Variants in CFAP54 observed in about 807,000 individuals in gnomAD.
CFAP54 encodes the protein cilia and flagella associated protein 54, also known as cilia- and flagella-associated protein 54.
In CFAP54, 290 loss-of-function variants were observed where a neutral mutation model predicts 370.4. The observed-to-expected ratio is 0.78, with a 90% CI of 0.71 to 0.86. The LOEUF is 0.86. Ranked by LOEUF, CFAP54 falls within the 40% of genes least tolerant of loss-of-function variation. CFAP54 has a pLI of 0.00. For synonymous variants in CFAP54, 1,206 were observed against 1,236.5 expected (o/e 0.98, Z 0.52); for missense variants, 3,399 against 3,528.7 (o/e 0.96, Z 0.93).
chr12:96,543,843 T>C (rs1213252798), intron 14 of CFAP54, among the ~76,000 whole-genome samples: 2 of 152,154 alleles, frequency 1.3e-5, no homozygotes, highest in Non-Finnish European at 2.9e-5. Flanking sequence ...TGGTGGGCCC[T>C]GGATCCCAAT....
At position 96,676,087 on chromosome 12, in the gene CFAP54, T is replaced by TA. The variant is rs1255895894; in HGVS notation, c.5564-3506dup. Among the ~76,000 whole-genome samples the TA allele has an allele frequency of 1.4e-4, 21 of 151,584 alleles. 1 individual carries two copies. Among genetic ancestry groups the TA allele is most frequent in the African/African-American group, 3.1e-4 (13 of 41,294 alleles). ...GTGTACCCTAAAACTTAAAGTATAA[T>TA]AAAAAAAGATACATGACCAGTAGTC... On this transcript the variant is annotated intron_variant, in intron 39 of 67. Coordinates refer to ENST00000524981, the MANE Select transcript of CFAP54 (RefSeq NM_001306084.2).
At chr12:96,732,630 G>A (rs1957934154) in intron 50 of CFAP54, among the ~76,000 whole-genome samples, 1 of 152,082 alleles carries the variant, frequency 6.6e-6, no homozygotes. Flanking sequence ...TCTAATGTTG[G>A]CAAATGTCGA....
chr12:96,642,921 T>A (rs1956748583), intron 32 of CFAP54, among the ~76,000 whole-genome samples: 1 of 152,076 alleles, frequency 6.6e-6, no homozygotes, highest in African/African-American at 2.4e-5. Flanking sequence ...GGATGTGAAT[T>A]CCCTTCTGAG....
intron 64 of CFAP54, among the ~76,000 whole-genome samples, chr12:96,815,029 C>A (rs1958961773): frequency 6.6e-6 from 1 of 152,204 alleles, no homozygotes; most frequent in Middle Eastern, 3.4e-3. Flanking sequence ...GTGCATATTT[C>A]TTTATAGTAG....
chr12:96,671,928 A>AAG (rs376205736), intron 39 of CFAP54, among the ~76,000 whole-genome samples: 388 of 150,082 alleles, frequency 2.6e-3, no homozygotes, highest in East Asian at 5.1e-3. Flanking sequence ...TATCTCAAAA[A>AAG]AGAGAGAGAG....
chr12:96,688,904 A>C lies in CFAP54; in HGVS notation c.6015-12A>C. On this transcript the variant is annotated splice_polypyrimidine_tract_variant and intron_variant, in intron 42 of 67. Transcript: ENST00000524981. ...TTCTACTAATCAATTTTTTTTTCTT[A>C]TACTTACTTAGATTTATTAAGTCAT... is the stretch of plus-strand genomic sequence containing the variant. The C allele has an allele frequency of 1.3e-6, 2 of 1,517,934 alleles. No homozygotes were observed. The highest frequency in any genetic ancestry group is 1.8e-6 in the Non-Finnish European group (2 of 1,120,076). 94.0% of individuals were successfully genotyped at this position (1,517,934 alleles called of 1,614,324 possible).
Position 96,527,453 on chromosome 12 carries a change from G to A in CFAP54, c.1357+9G>A, listed in dbSNP as rs1313774730. 1.3e-6 allele frequency: 2 copies of A among 1,491,830 alleles called. No homozygotes were observed. The highest frequency in any genetic ancestry group is 2.8e-5 in the African/African-American group (2 of 71,596). The allele number at this position is 1,491,830 out of a possible 1,614,324, so 92.4% of individuals were successfully genotyped here. A position where few individuals can be genotyped will look rare whatever the true frequency, so the allele number is the denominator to read the frequency against. On this transcript the variant is annotated intron_variant, in intron 9 of 67. Coordinates refer to ENST00000524981, the MANE Select transcript of CFAP54 (RefSeq NM_001306084.2). Reference sequence around the variant, plus strand: ...AAAAGAACTTTTGATAAGTAAATAAGATGTTAAGATATTGTTTTATGATAG... The same window carrying A: ...AAAAGAACTTTTGATAAGTAAATAAAATGTTAAGATATTGTTTTATGATAG...
intron 44 of CFAP54, 60 bp from the exon 45 acceptor site, chr12:96,693,662 T>G: frequency 9.1e-7 from 1 of 1,102,060 alleles, no homozygotes; most frequent in Non-Finnish European, 1.3e-6. Flanking sequence ...TAAATTTGAT[T>G]ATTAGGTTAT....
At chr12:96,756,717 T>C (rs1211847715) in intron 57 of CFAP54, among the ~76,000 whole-genome samples, 154 bp downstream of exon 57, 1 of 152,228 alleles carries the variant, frequency 6.6e-6, no homozygotes, top group East Asian at 1.9e-4. Context: ...CTCTTTGTTC[T>C]GACCCAAAGC....
intron 19 of CFAP54, among the ~76,000 whole-genome samples, chr12:96,572,300 G>A (rs1188600832): frequency 6.6e-6 from 1 of 152,098 alleles, no homozygotes; most frequent in East Asian, 1.9e-4. Flanking sequence ...TAAATACATG[G>A]GCTATCTTGG....
intron 19 of CFAP54, among the ~76,000 whole-genome samples, chr12:96,574,288 T>A (rs569029330): frequency 6.6e-6 from 1 of 152,204 alleles, no homozygotes; most frequent in East Asian, 1.9e-4. Flanking sequence ...CAGCACAGGT[T>A]TTTTTCTGTC....
chr12:96,685,252 T>C lies in CFAP54; in HGVS notation c.6014+14T>C, dbSNP rs1957314567. 6.2e-7 allele frequency: 1 copy of C among 1,611,998 alleles called. No individual in the cohort carries two copies. The highest frequency in any genetic ancestry group is 1.3e-5 in the African/African-American group (1 of 74,880). Reference sequence around the variant, plus strand: ...AAAGATAGCACAGTGAGTGTGAGGATGGAAGGATCCCCGTACTAGCTAACA... The same window carrying C: ...AAAGATAGCACAGTGAGTGTGAGGACGGAAGGATCCCCGTACTAGCTAACA... On this transcript the variant is annotated intron_variant, in intron 42 of 67. Transcript: ENST00000524981.
At chr12:96,804,844 G>T (rs1478991359) in intron 63 of CFAP54, among the ~76,000 whole-genome samples, 5 of 152,050 alleles carry the variant, frequency 3.3e-5, no homozygotes, top group Non-Finnish European at 7.4e-5. Flanking sequence ...TTCAAATTAT[G>T]CTACAAGGTT....
At chr12:96,501,722 C>A (rs565909650) in intron 2 of CFAP54, among the ~76,000 whole-genome samples, 1 of 152,262 alleles carries the variant, frequency 6.6e-6, no homozygotes, top group South Asian at 2.1e-4. Flanking sequence ...TCATTTTTCC[C>A]CTCTCTGTTT....
At chr12:96,729,083 C>A (rs1215429404) in intron 50 of CFAP54, among the ~76,000 whole-genome samples, 1 of 152,100 alleles carries the variant, frequency 6.6e-6, no homozygotes, top group African/African-American at 2.4e-5. Flanking sequence ...GTCAGTCTGC[C>A]CCTACTGGGG....
At chr12:96,704,146 G>T (rs148744649) in intron 46 of CFAP54, among the ~76,000 whole-genome samples, 1 of 151,938 alleles carries the variant, frequency 6.6e-6, no homozygotes, top group African/African-American at 2.4e-5. Context: ...AAAATACATC[G>T]GCCAGGTGCA....
intron 8 of CFAP54, among the ~76,000 whole-genome samples, chr12:96,526,894 T>TTTG (rs952344637): frequency 4.2e-5 from 6 of 143,740 alleles, no homozygotes; most frequent in Non-Finnish European, 9.2e-5. Flanking sequence ...GGTTTTTTTT[T>TTTG]TTTTTTTTTT....
chr12:96,727,755 C>T (rs1190547752), intron 50 of CFAP54, among the ~76,000 whole-genome samples: 1 of 151,646 alleles, frequency 6.6e-6, no homozygotes, highest in Non-Finnish European at 1.5e-5. Context: ...TTAGTTGATG[C>T]AGTTTCTTCC....
intron 63 of CFAP54, among the ~76,000 whole-genome samples, chr12:96,799,655 ACC>A (rs1958802283): frequency 6.6e-6 from 1 of 152,194 alleles, no homozygotes; most frequent in Admixed American, 6.5e-5. Flanking sequence ...CTCTCCAGAT[ACC>A]TTTCATGCTA....
Sources: allele counts gnomAD v4.1 joint callset (sites outside exome capture counted in the v4.1 genomes callset), GRCh38; gene constraint gnomAD v4.1.1; transcripts MANE v1.5; gene names NCBI Gene and HGNC (gene_info 2026-07-23, HGNC 2026-07-21).